The following PCDH20 variants were observed in gnomAD, a reference collection of about 807,000 sequenced individuals.
PCDH20 encodes the protein protocadherin 20, also known as protocadherin-20.
A neutral mutation model predicts 39.7 loss-of-function variants in PCDH20; 18 were observed. That is an observed-to-expected ratio of 0.45 (90% CI 0.31 to 0.67). The LOEUF (loss-of-function observed/expected upper bound fraction) is 0.67, where lower values mean the gene tolerates loss of function less well. PCDH20 is among the 30% of genes least tolerant of loss of function. The pLI, the probability that PCDH20 is intolerant of heterozygous loss-of-function variation, is 0.05. For missense variants in PCDH20, 1,161 were observed against 1,167.4 expected (o/e 0.99, Z 0.08); for synonymous variants, 495 against 455.4 (o/e 1.09, Z -1.11).
At chr13:61,413,823 C>A in exon 2 of PCDH20, 4 of 1,612,742 alleles carry the variant, frequency 2.5e-6, no homozygotes, top group Non-Finnish European at 3.4e-6. Context: ...CAGACCTGGG[C>A]AGCAGCCGCA....
At chr13:61,410,224 T>A (rs1437298183) in exon 2 of PCDH20, 1 of 152,100 alleles carries the variant, frequency 6.6e-6, no homozygotes, top group Non-Finnish European at 1.5e-5. Context: ...ATAACTTTCA[T>A]ATAAAAGGCC....
At chr13:61,414,940 G>A (rs536515369) in intron 1 of PCDH20, 87 bp downstream of exon 1, 12 of 1,278,186 alleles carry the variant, frequency 9.4e-6, no homozygotes, top group Non-Finnish European at 1.2e-5. Flanking sequence ...GATAAAGGTA[G>A]AAGGTTTGAA....
At chr13:61,411,001 CTT>C (rs11423785) in exon 2 of PCDH20, 152 of 192,406 alleles carry the variant, frequency 7.9e-4, no homozygotes, top group South Asian at 1.4e-3. Flanking sequence ...CATGTCCAAG[CTT>C]TTTTTTTTTT....
chr13:61,411,842 A>G (rs151048549), exon 2 of PCDH20: 2 of 1,614,168 alleles, frequency 1.2e-6, no homozygotes, highest in Non-Finnish European at 1.7e-6. Flanking sequence ...GGCAGTACTA[A>G]CAGATAAGAC....
chr13:61,411,588 G>T, exon 2 of PCDH20: 1 of 1,614,144 alleles, frequency 6.2e-7, no homozygotes, highest in South Asian at 1.1e-5. Flanking sequence ...GGTTCACCAT[G>T]ACTGTGGAGT....
At chr13:61,410,078 T>G (rs1878214513) in exon 2 of PCDH20, 1 of 152,072 alleles carries the variant, frequency 6.6e-6, no homozygotes, top group South Asian at 2.1e-4. Flanking sequence ...TGCAAGAGAT[T>G]CAGTAAAAGC....
At position 61,411,967 on chromosome 13, in the gene PCDH20, C is replaced by T. The variant is rs760856323; in HGVS notation, c.2132G>A (p.Trp711Ter). ...CTCACCCCCATCAACAGCTTCAACC[C>T]ACAAAGTATAGGAGCTTTGCTGCTC... The change falls in exon 2 of 2, where the codon TGG becomes TAG. Residue 711 changes from tryptophan (W) to a stop codon, truncating the protein, a stop_gained. Coordinates refer to ENST00000409204, the Ensembl canonical transcript of PCDH20. LOFTEE classifies it low-confidence loss of function (END_TRUNC). 8 of 1,613,982 alleles carry T rather than the reference C, an allele frequency of 5.0e-6. No homozygotes were observed. The highest frequency in any genetic ancestry group is 6.8e-6 in the Non-Finnish European group (8 of 1,180,036).
At chr13:61,411,985 T>C in exon 2 of PCDH20, 1 of 1,614,176 alleles carries the variant, frequency 6.2e-7, no homozygotes, top group Non-Finnish European at 8.5e-7. Context: ...ATAGGAGCTT[T>C]GCTGCTCTCT....
exon 2 of PCDH20, chr13:61,412,290 T>C: frequency 6.2e-7 from 1 of 1,614,148 alleles, no homozygotes; most frequent in Non-Finnish European, 8.5e-7. Flanking sequence ...ATCTGTACTT[T>C]TCTTTCTCTT....
rs547149124 is a variant in PCDH20, at chr13:61,410,576, G to A, written c.*667C>T. ...AAACAGAAAGCAATTCGAGTACACA[G>A]AAAGTGGAATACTCTTCAGCAGGCT... On this transcript the variant is annotated 3_prime_UTR_variant, in exon 2 of 2. Coordinates refer to ENST00000409204, the Ensembl canonical transcript of PCDH20. 7.2e-5 allele frequency: 11 copies of A among 152,652 alleles called. No homozygotes were observed. In the East Asian group the frequency reaches 1.9e-3, roughly 27 times the overall value. The allele number at this position is 152,652 out of a possible 1,614,324, so 9.5% of individuals were successfully genotyped here. A position where few individuals can be genotyped will look rare whatever the true frequency, so the allele number is the denominator to read the frequency against.
At chr13:61,411,026 T>C in exon 2 of PCDH20, 1 of 362,640 alleles carries the variant, frequency 2.8e-6, no homozygotes, top group South Asian at 5.9e-5. Context: ...TAAATACAAG[T>C]CCTATAGCTG....
intron 1 of PCDH20, 30 bp from the exon 2 acceptor site, chr13:61,413,996 T>TAC: frequency 6.4e-7 from 1 of 1,560,978 alleles, no homozygotes; most frequent in Non-Finnish European, 8.7e-7. Context: ...GAAAGCTCAT[T>TAC]ACACACACGG....
At chr13:61,415,351 G>A (rs1294784118) in exon 1 of PCDH20, 7 of 578,530 alleles carry the variant, frequency 1.2e-5, no homozygotes, top group East Asian at 3.6e-5. Flanking sequence ...CCGGACGCAG[G>A]TAACTCCATA....
At chr13:61,413,720 T>A (rs1871469777) in exon 2 of PCDH20, 1 of 1,613,794 alleles carries the variant, frequency 6.2e-7, no homozygotes, top group Admixed American at 1.7e-5. Flanking sequence ...TACTGGCCAC[T>A]CAGTCCCCGG....
chr13:61,411,503 C>G lies in PCDH20; in HGVS notation c.2596G>C (p.Glu866Gln), dbSNP rs146711979. The G allele has an allele frequency of 1.4e-5, 23 of 1,614,004 alleles. No individual in the cohort carries two copies. The highest frequency in any genetic ancestry group is 1.9e-5 in the Non-Finnish European group (23 of 1,180,024). Reference sequence around the variant, plus strand: ...ATTGAGATTTGTGGTTCTTTCTCCTCTATATTAATCTCTGGTTCTTTTCTT... The same window carrying G: ...ATTGAGATTTGTGGTTCTTTCTCCTGTATATTAATCTCTGGTTCTTTTCTT... The change falls in exon 2 of 2, where the codon GAG becomes CAG. Residue 866 changes from glutamate to glutamine, a missense_variant. Physicochemically the swap from Glu to Gln is conservative, Grantham distance 29 (BLOSUM62 2). Around this residue, in one of 3 missense-constraint regions of PCDH20, gnomAD observed 754 missense variants for 777.5 expected, o/e 0.97. Transcript: ENST00000409204.
chr13:61,412,753 G>A (rs1871428374), exon 2 of PCDH20: 1 of 1,614,134 alleles, frequency 6.2e-7, no homozygotes, highest in Non-Finnish European at 8.5e-7. Context: ...CGCAATGGGA[G>A]TGTTAACGGG....
At chr13:61,414,149 T>A (rs186445673) in intron 1 of PCDH20, among the ~76,000 whole-genome samples, 183 bp from the exon 2 acceptor site, 8 of 152,118 alleles carry the variant, frequency 5.3e-5, no homozygotes, top group Admixed American at 4.6e-4. Flanking sequence ...CAATATCGTC[T>A]CCAAAACTTA....
chr13:61,412,592 A>G, exon 2 of PCDH20: 1 of 1,614,102 alleles, frequency 6.2e-7, no homozygotes, highest in Non-Finnish European at 8.5e-7. Context: ...GCTACTTCAT[A>G]GAACTGCTGT....
chr13:61,413,385 A>G, exon 2 of PCDH20: 1 of 1,614,026 alleles, frequency 6.2e-7, no homozygotes, highest in South Asian at 1.1e-5. Flanking sequence ...TAATGCCTAC[A>G]TCTGGGTCCA....
Sources: allele counts gnomAD v4.1 joint callset (sites outside exome capture counted in the v4.1 genomes callset), GRCh38; gene constraint gnomAD v4.1.1; regional missense constraint gnomAD v4.1.1; transcripts MANE v1.5; gene names NCBI Gene and HGNC (gene_info 2026-07-23, HGNC 2026-07-21).